ZRANB3: variants seen among roughly 807,000 people sequenced by gnomAD.
ZRANB3 encodes the protein DNA annealing helicase and endonuclease ZRANB3.
In ZRANB3, 125 loss-of-function variants were observed where a neutral mutation model predicts 133.8. The ratio of observed to expected loss-of-function variants is 0.93; its 90% CI spans 0.81 to 1.08. The LOEUF (loss-of-function observed/expected upper bound fraction) is 1.08. ZRANB3 is among the 50% of genes least tolerant of loss of function. ZRANB3 has a pLI of 0.00. For synonymous variants in ZRANB3, 387 were observed against 432.7 expected (o/e 0.89, Z 1.31); for missense variants, 1,229 against 1,275.5 (o/e 0.96, Z 0.56).
At chr2:135,202,441 T>G (rs16831433) in intron 20 of ZRANB3, 18,094 of 153,886 alleles carry the variant, frequency 0.12, 1,335 homozygotes, top group South Asian at 0.32. Flanking sequence ...CATGTTGAAC[T>G]GAGTTGGTCC....
chr2:135,260,565 TA>T (rs1367213512), intron 12 of ZRANB3, among the ~76,000 whole-genome samples: 16 of 149,612 alleles, frequency 1.1e-4, no homozygotes, highest in South Asian at 8.4e-4. Flanking sequence ...AATACTTGAA[TA>T]ATATATATTC....
chr2:135,288,061 G>A (rs1005651229), intron 8 of ZRANB3, among the ~76,000 whole-genome samples: 3 of 152,092 alleles, frequency 2.0e-5, no homozygotes, highest in East Asian at 1.9e-4. Context: ...TATAATGTTC[G>A]CTGTGGGTTT....
intron 8 of ZRANB3, among the ~76,000 whole-genome samples, chr2:135,295,005 C>T (rs751141078): frequency 5.9e-5 from 9 of 152,088 alleles, no homozygotes; most frequent in Admixed American, 5.2e-4. Context: ...CTGAGGAGTG[C>T]TTTACTTCTA....
chr2:135,230,820 A>G lies in ZRANB3; in HGVS notation c.1647T>C (p.Asn549=), dbSNP rs1206294900. Residue 549 remains asparagine (N), a synonymous_variant, in exon 13 of 21, where the codon AAT becomes AAC. Coordinates refer to ENST00000264159, the MANE Select transcript of ZRANB3 (RefSeq NM_032143.4). ...CDESKRFREE[N]TVVSSDPTKT... is the part of the protein sequence containing the mutation. ...TTGTAGGGTCTGATGACACTACAGT[A>G]TTTTCCTCCCGGAATCTCTTTGATT... 2 of 1,613,194 alleles carry G rather than the reference A, an allele frequency of 1.2e-6. No individual in the cohort carries two copies. The highest frequency in any genetic ancestry group is 1.7e-4 in the Middle Eastern group (1 of 6,060).
chr2:135,281,063 T>A (rs1681082051), intron 8 of ZRANB3, among the ~76,000 whole-genome samples: 1 of 152,214 alleles, frequency 6.6e-6, no homozygotes, highest in African/African-American at 2.4e-5. Context: ...TAATTTTCCA[T>A]TCATCAACTC....
intron 2 of ZRANB3, among the ~76,000 whole-genome samples, chr2:135,480,732 T>C (rs1203336465): frequency 2.0e-5 from 3 of 148,758 alleles, no homozygotes; most frequent in Admixed American, 2.0e-4. Flanking sequence ...TCATCTAGCA[T>C]TAGGTATATC....
chr2:135,296,721 G>A (rs957868832), intron 8 of ZRANB3, among the ~76,000 whole-genome samples: 1 of 151,992 alleles, frequency 6.6e-6, no homozygotes, highest in African/African-American at 2.4e-5. Flanking sequence ...TCTACCTTTG[G>A]TCTTTGATGA....
intron 8 of ZRANB3, among the ~76,000 whole-genome samples, chr2:135,311,584 A>T (rs1378887495): frequency 6.6e-6 from 1 of 151,522 alleles, no homozygotes; most frequent in African/African-American, 2.4e-5. Flanking sequence ...GAAAGAATAA[A>T]AAAAAAAAAA....
At position 135,343,839 on chromosome 2, in the gene ZRANB3, C is replaced by T. The variant is rs892039485; in HGVS notation, c.677+1711G>A. On this transcript the variant is annotated intron_variant, in intron 6 of 20. Transcript: ENST00000264159. The stretch of plus-strand genomic sequence containing the variant: ...CAAATGTCACAAGCTACTATCAGTT[C>T]ACATTGGCAAGAATAAAATAATTCA... Among the ~76,000 whole-genome samples the T allele has an allele frequency of 4.0e-5, 6 of 150,102 alleles. 2 individuals are homozygous for T. Among genetic ancestry groups the T allele is most frequent in the African/African-American group, 1.5e-4 (6 of 39,468 alleles).
intron 2 of ZRANB3, among the ~76,000 whole-genome samples, chr2:135,478,827 T>A (rs1168337368): frequency 6.6e-6 from 1 of 151,888 alleles, no homozygotes; most frequent in African/African-American, 2.4e-5. Context: ...TATATAAACA[T>A]ATATGTGTTA....
chr2:135,203,877 A>G (rs1340727295), intron 19 of ZRANB3, among the ~76,000 whole-genome samples: 1 of 152,230 alleles, frequency 6.6e-6, no homozygotes, highest in Admixed American at 6.5e-5. Flanking sequence ...AGGCCAGTCC[A>G]TATATACACA....
Position 135,295,601 on chromosome 2 carries a change from T to C in ZRANB3, c.966+17888A>G, listed in dbSNP as rs547320429. ...CATTTAAGGTTAATATTGTTATGTG[T>C]GAATTTGATCCTGTCATTATGATGT... On this transcript the variant is annotated intron_variant, in intron 8 of 20. Coordinates refer to ENST00000264159, the MANE Select transcript of ZRANB3 (RefSeq NM_032143.4). Among the ~76,000 whole-genome samples the C allele has an allele frequency of 2.7e-3, 409 of 152,274 alleles. 4 individuals carry two copies. Among genetic ancestry groups the C allele is most frequent in the African/African-American group, 9.5e-3 (395 of 41,546 alleles).
At chr2:135,481,855 C>A (rs1432732832) in intron 2 of ZRANB3, among the ~76,000 whole-genome samples, 8 of 150,216 alleles carry the variant, frequency 5.3e-5, no homozygotes, top group Non-Finnish European at 1.0e-4. Flanking sequence ...TTTCCCAGCA[C>A]CATTTATTAA....
chr2:135,231,449 T>A (rs923237617), intron 12 of ZRANB3, among the ~76,000 whole-genome samples: 5 of 152,094 alleles, frequency 3.3e-5, no homozygotes, highest in African/African-American at 7.2e-5. Flanking sequence ...CATATGAAAA[T>A]GTTTTCTTGA....
In ZRANB3 at chr2:135,438,296, G is replaced by C. The variant is rs1452224955; in HGVS notation, c.162-47476C>G. On this transcript the variant is annotated intron_variant, in intron 2 of 20. Transcript: ENST00000264159. ...GAGGCGGGTGGATCACCTGAGGTCA[G>C]GAGTTCGAGACCAGCCTTCCCAACG... is the stretch of plus-strand genomic sequence containing the variant. Among the ~76,000 whole-genome samples, 5 of 152,124 alleles carry C rather than the reference G, an allele frequency of 3.3e-5. No individual in the cohort carries two copies. The East Asian group carries it at 9.7e-4, about 29-fold the overall frequency.
At chr2:135,296,407 G>A (rs1024730020) in intron 8 of ZRANB3, among the ~76,000 whole-genome samples, 6 of 152,064 alleles carry the variant, frequency 3.9e-5, no homozygotes, top group African/African-American at 7.2e-5. Context: ...TGCAGCTCTC[G>A]TGCCATGGTT....
chr2:135,435,689 C>T (rs1689502529), intron 2 of ZRANB3, among the ~76,000 whole-genome samples: 1 of 152,132 alleles, frequency 6.6e-6, no homozygotes, highest in African/African-American at 2.4e-5. Flanking sequence ...GCCATTCTGA[C>T]TGGTGTGAGA....
Position 135,353,598 on chromosome 2 carries a change from C to A in ZRANB3, c.211G>T (p.Gly71Ter). 1 of 1,585,496 alleles carries A rather than the reference C, an allele frequency of 6.3e-7. No individual in the cohort carries two copies. Among genetic ancestry groups the A allele is most frequent in the South Asian group, 1.2e-5 (1 of 86,100 alleles). ...MGLGKTIQAI[G>*]ITYFYKEEWP... ...TCCTCTTTATAGAAGTAAGTAATTC[C>A]AATTGCCTGGATTGTCTTTCCTAGA... is the stretch of plus-strand genomic sequence containing the variant. Residue 71 changes from glycine to a stop codon, truncating the protein, a stop_gained, in exon 4 of 21, where the codon GGA becomes TGA. Coordinates refer to ENST00000264159, the MANE Select transcript of ZRANB3 (RefSeq NM_032143.4). LOFTEE classifies it high-confidence loss of function.
At position 135,473,317 on chromosome 2, in the gene ZRANB3, A is replaced by C. The variant is rs115722414; in HGVS notation, c.161+31012T>G. 3.0e-3 allele frequency among the ~76,000 whole-genome samples: 453 copies of C among 152,324 alleles called. 2 individuals are homozygous for C. Among genetic ancestry groups the C allele is most frequent in the African/African-American group, 0.01 (429 of 41,572 alleles). Reference sequence around the variant, plus strand: ...GGTAACAGCAACTCATCTACCAAAAAGACCTAAAATAAACATATGCAAACA... The same window carrying C: ...GGTAACAGCAACTCATCTACCAAAACGACCTAAAATAAACATATGCAAACA... On this transcript the variant is annotated intron_variant, in intron 2 of 20. Transcript: ENST00000264159.
Sources: allele counts gnomAD v4.1 joint callset (sites outside exome capture counted in the v4.1 genomes callset), GRCh38; gene constraint gnomAD v4.1.1; transcripts MANE v1.5; gene names NCBI Gene and HGNC (gene_info 2026-07-23, HGNC 2026-07-21).